Variants in ZFP64 observed in about 807,000 individuals in gnomAD.
ZFP64 encodes ZFP64 zinc finger protein, also known as zinc finger protein 64.
A neutral mutation model predicts 51.6 loss-of-function variants in ZFP64; 14 were observed. The ratio of observed to expected loss-of-function variants is 0.27; its 90% CI spans 0.18 to 0.42. The LOEUF (loss-of-function observed/expected upper bound fraction) is 0.42. Ranked by LOEUF, ZFP64 falls within the 10% of genes least tolerant of loss-of-function variation. ZFP64 has a pLI of 1.00. For synonymous variants in ZFP64, 375 were observed against 361.4 expected, an observed-to-expected ratio of 1.04 and a Z score of -0.43; for missense variants, 754 against 906.8, an observed-to-expected ratio of 0.83 and a Z score of 2.16.
chr20:52,105,052 T>TCCC (rs1978299897), intron 5 of ZFP64: 1 of 1,383,286 alleles, frequency 7.2e-7, no homozygotes, highest in Non-Finnish European at 9.4e-7. Context: ...CCCTGCCCGG[T>TCCC]CCTCGTACCC....
exon 8 of ZFP64, chr20:52,088,526 T>G: frequency 6.2e-7 from 1 of 1,614,192 alleles, no homozygotes; most frequent in South Asian, 1.1e-5. Flanking sequence ...CACGGCAGCG[T>G]AGTCACACAG....
At chr20:52,142,513 G>T (rs1980322592) in intron 5 of ZFP64, among the ~76,000 whole-genome samples, 1 of 151,620 alleles carries the variant, frequency 6.6e-6, no homozygotes, top group African/African-American at 2.4e-5. Context: ...TAACAAAACT[G>T]CATGCACTTG....
At chr20:52,185,579 C>CTTTT (rs11472663) in intron 2 of ZFP64, among the ~76,000 whole-genome samples, 4 of 127,858 alleles carry the variant, frequency 3.1e-5, no homozygotes, top group African/African-American at 5.9e-5. Context: ...CCACTTTGCA[C>CTTTT]TTTTTTTTTT....
intron 5 of ZFP64, among the ~76,000 whole-genome samples, chr20:52,145,894 T>C (rs1980500979): frequency 6.6e-6 from 1 of 152,200 alleles, no homozygotes; most frequent in African/African-American, 2.4e-5. Flanking sequence ...GTAAATTAAG[T>C]ATAGCTTATT....
At chr20:52,180,295 T>G (rs988907081) in intron 2 of ZFP64, among the ~76,000 whole-genome samples, 4 of 152,224 alleles carry the variant, frequency 2.6e-5, no homozygotes, top group African/African-American at 9.6e-5. Flanking sequence ...AACGCCACCC[T>G]TGGAATCGCA....
chr20:52,187,279 CTTAG>C (rs1311975372), intron 1 of ZFP64, among the ~76,000 whole-genome samples: 2 of 152,194 alleles, frequency 1.3e-5, no homozygotes, highest in African/African-American at 2.4e-5. Flanking sequence ...GATTTCTTGC[CTTAG>C]TTAAACTTGG....
At chr20:52,098,684 C>G in intron 5 of ZFP64, 3 of 1,503,088 alleles carry the variant, frequency 2.0e-6, no homozygotes, top group Non-Finnish European at 1.8e-6. Flanking sequence ...CCTCCCTTCA[C>G]CTTTCCAGAA....
At chr20:52,178,967 C>T (rs1234106787) in intron 2 of ZFP64, among the ~76,000 whole-genome samples, 2 of 152,136 alleles carry the variant, frequency 1.3e-5, no homozygotes, top group African/African-American at 2.4e-5. Context: ...CATCATTTGC[C>T]ACACAACAAC....
intron 2 of ZFP64, among the ~76,000 whole-genome samples, chr20:52,176,562 T>C (rs1352574791): frequency 6.7e-6 from 1 of 149,424 alleles, no homozygotes; most frequent in Non-Finnish European, 1.5e-5. Flanking sequence ...GACTGCGGAC[T>C]GCAGTGGCGC....
downstream of ZFP64, among the ~76,000 whole-genome samples, chr20:52,148,300 T>A (rs1444841645): frequency 1.3e-5 from 2 of 152,202 alleles, no homozygotes; most frequent in African/African-American, 4.8e-5. Flanking sequence ...GTTCTGGAAG[T>A]ATATTTGTGA....
At chr20:52,162,070 G>A (rs1981854351) in intron 4 of ZFP64, among the ~76,000 whole-genome samples, 1 of 152,234 alleles carries the variant, frequency 6.6e-6, no homozygotes, top group Admixed American at 6.5e-5. Flanking sequence ...GGCCGAGGCA[G>A]GCAGATCACT....
intron 1 of ZFP64, 30 bp from the exon 2 acceptor site, chr20:52,187,101 T>A (rs1452694632): frequency 1.3e-6 from 2 of 1,585,556 alleles, no homozygotes; most frequent in African/African-American, 2.7e-5. Flanking sequence ...AGTAACGGAT[T>A]AATTCCAAAC....
chr20:52,130,972 A>C (rs1979695495), intron 5 of ZFP64, among the ~76,000 whole-genome samples: 1 of 152,052 alleles, frequency 6.6e-6, no homozygotes, highest in Admixed American at 6.6e-5. Flanking sequence ...AGGCTGAAGC[A>C]GGAGTATGGC....
chr20:52,106,136 G>C (rs1978314017), intron 5 of ZFP64, among the ~76,000 whole-genome samples: 2 of 152,162 alleles, frequency 1.3e-5, no homozygotes, highest in Admixed American at 6.5e-5. Context: ...GAGTGCTTTT[G>C]GGGCCAACCC....
downstream of ZFP64, among the ~76,000 whole-genome samples, chr20:52,146,696 T>C (rs960119536): frequency 6.6e-6 from 1 of 152,086 alleles, no homozygotes; most frequent in Admixed American, 6.6e-5. Flanking sequence ...AACCTGCACA[T>C]TGTGCACATG....
chr20:52,084,821 C>G (rs1377609164), exon 9 of ZFP64: 1 of 1,614,150 alleles, frequency 6.2e-7, no homozygotes, highest in African/African-American at 1.3e-5. Flanking sequence ...CTTCCTTGCC[C>G]AGAGGGGCCC....
intron 2 of ZFP64, among the ~76,000 whole-genome samples, chr20:52,185,367 T>C (rs1431313973): frequency 1.3e-5 from 2 of 152,120 alleles, no homozygotes; most frequent in Admixed American, 1.3e-4. Context: ...TGTAGACTTA[T>C]TGGATAAATG....
At chr20:52,156,911 T>C (rs893831943) in intron 5 of ZFP64, among the ~76,000 whole-genome samples, 2 of 152,150 alleles carry the variant, frequency 1.3e-5, no homozygotes, top group African/African-American at 4.8e-5. Context: ...AAGCTGCATA[T>C]GATAAAAGAC....
At chr20:52,093,958 ATTTT>A (rs1351882838) in intron 7 of ZFP64, among the ~76,000 whole-genome samples, 2 of 152,218 alleles carry the variant, frequency 1.3e-5, no homozygotes, top group Non-Finnish European at 2.9e-5. Flanking sequence ...TCACAATATG[ATTTT>A]TTTAAATGTG....
Sources: allele counts gnomAD v4.1 joint callset (sites outside exome capture counted in the v4.1 genomes callset), GRCh38; gene constraint gnomAD v4.1.1; transcripts MANE v1.5; gene names NCBI Gene and HGNC (gene_info 2026-07-23, HGNC 2026-07-21).